The following IGDCC4 variants were observed in gnomAD, a reference collection of about 807,000 sequenced individuals.
IGDCC4 encodes the protein immunoglobulin superfamily DCC subclass member 4, also known as likely ortholog of mouse neighbor of Punc E11.
A neutral mutation model predicts 116.6 loss-of-function variants in IGDCC4; 72 were observed. The observed-to-expected ratio is 0.62, with a 90% CI of 0.51 to 0.75. IGDCC4 has a LOEUF of 0.75. Ranked by LOEUF, IGDCC4 falls within the 30% of genes least tolerant of loss-of-function variation. The probability of loss-of-function intolerance (pLI) is 0.00; values close to 1 mark genes in which losing one functional copy is unlikely to be tolerated. For missense variants in IGDCC4, 1,501 were observed against 1,662.4 expected (o/e 0.90, Z 1.69); for synonymous variants, 709 against 719.9 (o/e 0.98, Z 0.24).
chr15:65,383,688 A>T lies in IGDCC4; in HGVS notation c.*321T>A, dbSNP rs2091423166. 4.0e-6 allele frequency: 1 copy of T among 251,904 alleles called. No individual in the cohort carries two copies. The highest frequency in any genetic ancestry group is 2.2e-5 in the African/African-American group (1 of 45,046). The allele number at this position is 251,904 out of a possible 1,614,324, so 15.6% of individuals were successfully genotyped here. A position where few individuals can be genotyped will look rare whatever the true frequency, so the allele number is the denominator to read the frequency against. On this transcript the variant is annotated 3_prime_UTR_variant, in exon 20 of 20. Coordinates refer to ENST00000352385, the MANE Select transcript of IGDCC4 (RefSeq NM_020962.3). Reference sequence around the variant, plus strand: ...ACTGTGGGGCACCGTTCTGACCTGGAGGACCAATCAGGCTGTAGTGACCAC... The same window carrying T: ...ACTGTGGGGCACCGTTCTGACCTGGTGGACCAATCAGGCTGTAGTGACCAC...
intron 1 of IGDCC4, among the ~76,000 whole-genome samples, chr15:65,420,524 C>T (rs1361012589): frequency 6.6e-6 from 1 of 152,204 alleles, no homozygotes; most frequent in East Asian, 1.9e-4. Flanking sequence ...TGGGGACTCT[C>T]AGGCCAGAAA....
At chr15:65,391,062 G>A (rs11855697) in intron 12 of IGDCC4, among the ~76,000 whole-genome samples, 35,631 of 151,976 alleles carry the variant, frequency 0.23, 4,643 homozygotes, top group East Asian at 0.42. Context: ...GTGAAACCCC[G>A]TCTCTACTAA....
chr15:65,422,674 C>A, intron 1 of IGDCC4, 119 bp downstream of exon 1: 2 of 793,318 alleles, frequency 2.5e-6, no homozygotes, highest in Non-Finnish European at 3.4e-6. Context: ...CCTGGACGCG[C>A]AGCCCCCGCA....
intron 1 of IGDCC4, among the ~76,000 whole-genome samples, chr15:65,414,664 G>A (rs758989757): frequency 4.6e-5 from 7 of 152,162 alleles, no homozygotes; most frequent in South Asian, 2.1e-4. Context: ...TTGTTCTTGC[G>A]ACAGTTGTGC....
chr15:65,388,760 A>C, intron 15 of IGDCC4, 48 bp downstream of exon 15: 3 of 1,611,542 alleles, frequency 1.9e-6, no homozygotes, highest in Non-Finnish European at 8.5e-7. Context: ...TGGAAGCGGG[A>C]GAGGCTGGGA....
chr15:65,413,378 C>T (rs1188863596), intron 1 of IGDCC4, among the ~76,000 whole-genome samples: 2 of 152,142 alleles, frequency 1.3e-5, no homozygotes, highest in Non-Finnish European at 2.9e-5. Flanking sequence ...GGACTCAGGT[C>T]TCCTGACTCA....
chr15:65,386,365 C>A (rs1260832728), intron 17 of IGDCC4, among the ~76,000 whole-genome samples, 186 bp downstream of exon 17: 1 of 152,130 alleles, frequency 6.6e-6, no homozygotes, highest in East Asian at 1.9e-4. Flanking sequence ...TAGGCTGGGG[C>A]TCCCCTAAGT....
chr15:65,395,691 C>G (rs1365982590), intron 7 of IGDCC4, 59 bp downstream of exon 7: 6 of 1,395,070 alleles, frequency 4.3e-6, no homozygotes, highest in Admixed American at 3.0e-5. Flanking sequence ...GACCTGAACC[C>G]CTTCTGGCTG....
rs1472238223 is a variant in IGDCC4, at chr15:65,383,856, A to G, written c.*153T>C. On this transcript the variant is annotated 3_prime_UTR_variant, in exon 20 of 20. Coordinates refer to ENST00000352385, the MANE Select transcript of IGDCC4 (RefSeq NM_020962.3). Reference sequence around the variant, plus strand: ...AGAGTATGGGGGGAGTGAATAATCCATGTTTTCCTCTCCCCTCAGCCAAAG... The same window carrying G: ...AGAGTATGGGGGGAGTGAATAATCCGTGTTTTCCTCTCCCCTCAGCCAAAG... 1.6e-6 allele frequency: 1 copy of G among 608,960 alleles called. No homozygotes were observed. Among genetic ancestry groups the G allele is most frequent in the Non-Finnish European group, 2.7e-6 (1 of 363,868 alleles). The allele number at this position is 608,960 out of a possible 1,614,324, so 37.7% of individuals were successfully genotyped here. A position where few individuals can be genotyped will look rare whatever the true frequency, so the allele number is the denominator to read the frequency against.
At chr15:65,416,422 C>T (rs935640301) in intron 1 of IGDCC4, among the ~76,000 whole-genome samples, 6 of 152,168 alleles carry the variant, frequency 3.9e-5, no homozygotes, top group Admixed American at 6.5e-5. Context: ...CAGGCATGAG[C>T]CACCGCGCCC....
intron 1 of IGDCC4, among the ~76,000 whole-genome samples, chr15:65,413,150 T>C (rs2063114007): frequency 6.6e-6 from 1 of 151,676 alleles, no homozygotes; most frequent in Non-Finnish European, 1.5e-5. Context: ...ACATTCCCCC[T>C]TCCCCAACAA....
At chr15:65,416,238 A>T (rs1027512217) in intron 1 of IGDCC4, among the ~76,000 whole-genome samples, 1 of 141,210 alleles carries the variant, frequency 7.1e-6, no homozygotes, top group African/African-American at 2.7e-5. Context: ...CCCGGGTTCG[A>T]GACATTCTCC....
At chr15:65,415,577 C>T (rs1567094906) in intron 1 of IGDCC4, among the ~76,000 whole-genome samples, 1 of 152,216 alleles carries the variant, frequency 6.6e-6, no homozygotes, top group Non-Finnish European at 1.5e-5. Flanking sequence ...CCAAGACAGC[C>T]CATTTTAGTG....
rs1281357332 is a variant in IGDCC4 at position 65,388,582 on chromosome 15, G to A, written c.2712C>T (p.Asn904=). 4 of 1,613,960 alleles carry A rather than the reference G, an allele frequency of 2.5e-6. No individual in the cohort carries two copies. The African/African-American group carries it at 5.3e-5, about 22-fold the overall frequency. Residue 904 remains asparagine (N), a synonymous_variant, in exon 16 of 20, where the codon AAC becomes AAT. Transcript: ENST00000352385. ...HQWTLLTTQG[N]IFSAEVHGLE... ...GGCCATGGACCTCAGCACTGAAGAT[G>A]TTTCCTGGGGGTGAGGGAGGCAGGG... is the stretch of plus-strand genomic sequence containing the variant.
chr15:65,394,349 C>A (rs1400688148), intron 9 of IGDCC4, 62 bp downstream of exon 9: 1 of 1,605,068 alleles, frequency 6.2e-7, no homozygotes, highest in African/African-American at 1.3e-5. Context: ...CTCCAGCAGC[C>A]CTGACAGCTC....
In IGDCC4 at chr15:65,402,411, C is replaced by G; in HGVS notation, c.640G>C (p.Ala214Pro). The G allele has an allele frequency of 6.4e-7, 1 of 1,570,314 alleles. No homozygotes were observed. Among genetic ancestry groups the G allele is most frequent in the Non-Finnish European group, 8.6e-7 (1 of 1,156,864 alleles). Reference protein sequence around the residue: ...ESDAGPYRCVATNSARQHFSQ... With the variant: ...ESDAGPYRCVPTNSARQHFSQ... ...AAGTGCTGGCGAGCTGAGTTGGTGG[C>G]CACGCAGCGGTAGGGGCCTGCATCA... Residue 214 changes from alanine (A) to proline (P), a missense_variant, in exon 4 of 20, where the codon GCC (alanine) becomes CCC (proline). Transcript: ENST00000352385.
At chr15:65,388,632 G>T (rs2140192998) in intron 15 of IGDCC4, 46 bp from the exon 16 acceptor site, 1 of 1,612,348 alleles carries the variant, frequency 6.2e-7, no homozygotes, top group East Asian at 2.2e-5. Flanking sequence ...GGATGGGGTG[G>T]GTGGATGCAG....
intron 3 of IGDCC4, among the ~76,000 whole-genome samples, chr15:65,408,222 A>G (rs2063058034): frequency 6.6e-6 from 1 of 152,222 alleles, no homozygotes; most frequent in Non-Finnish European, 1.5e-5. Context: ...GGCCCAAGGT[A>G]CACTCCCATT....
rs760775294 is a variant in IGDCC4, at chr15:65,396,932, G to T, written c.899C>A (p.Ala300Asp). ...GCCGGAGTGCCAGGGCTGCGCGTTG[G>T]CAATTAGTAGGTTGGTGCGGCCCAG... ...IVLGRTNLLI[A>D]NAQPWHSGVY... The change falls in exon 6 of 20, where the codon GCC becomes GAC. Residue 300 changes from alanine (A) to aspartate (D), a missense_variant. By Grantham distance (126) the Ala-to-Asp change is moderately radical (BLOSUM62 -2). Around this residue, in one of 3 missense-constraint regions of IGDCC4, gnomAD observed 898 missense variants for 978.9 expected, o/e 0.92. Transcript: ENST00000352385. 3 of 1,575,818 alleles carry T rather than the reference G, an allele frequency of 1.9e-6. No individual in the cohort carries two copies. Among genetic ancestry groups the T allele is most frequent in the Non-Finnish European group, 2.6e-6 (3 of 1,160,358 alleles).
Sources: gnomAD v4.1 joint callset for allele counts (sites outside exome capture counted in the v4.1 genomes callset) on GRCh38, gnomAD v4.1.1 for gene constraint, gnomAD v4.1.1 regional missense constraint, MANE v1.5 for transcripts, NCBI Gene and HGNC (gene_info 2026-07-23, HGNC 2026-07-21) for gene names.